The following ETV5 variants were observed in gnomAD, a reference collection of about 807,000 sequenced individuals.
ETV5 encodes the protein ETS translocation variant 5.
ETV5 carries 10 observed loss-of-function variants against 70.0 expected under a neutral mutation model. The ratio of observed to expected loss-of-function variants is 0.14; its 90% confidence interval spans 0.09 to 0.24. The LOEUF (loss-of-function observed/expected upper bound fraction) is 0.24, where lower values mean the gene tolerates loss of function less well. Ranked by LOEUF, ETV5 falls within the 10% of genes least tolerant of loss-of-function variation. The pLI is 1.00. For missense variants in ETV5, 453 were observed against 651.2 expected (o/e 0.70, Z 3.31); for synonymous variants, 216 against 242.2 (o/e 0.89, Z 1.01).
intron 8 of ETV5, among the ~76,000 whole-genome samples, chr3:186,064,911 G>A (rs973869217): frequency 6.6e-6 from 1 of 152,126 alleles, no homozygotes; most frequent in Non-Finnish European, 1.5e-5. Flanking sequence ...TACTGCTGGT[G>A]GTCACATCTA....
At chr3:186,088,635 G>A (rs1306663816) in intron 5 of ETV5, among the ~76,000 whole-genome samples, 1 of 152,170 alleles carries the variant, frequency 6.6e-6, no homozygotes, top group African/African-American at 2.4e-5. Flanking sequence ...AGGGAAAGAA[G>A]GTAGAGGAAA....
intron 5 of ETV5, among the ~76,000 whole-genome samples, chr3:186,084,901 G>C (rs1289519023): frequency 6.6e-6 from 1 of 152,048 alleles, no homozygotes; most frequent in Non-Finnish European, 1.5e-5. Flanking sequence ...ATATGCTCTA[G>C]AACAAAGGAA....
intron 5 of ETV5, among the ~76,000 whole-genome samples, chr3:186,086,806 A>T (rs1462016741): frequency 1.4e-5 from 2 of 143,664 alleles, no homozygotes; most frequent in African/African-American, 2.5e-5. Flanking sequence ...AAAGATACGA[A>T]AAAAAAAAAA....
At chr3:186,099,596 G>A (rs935095597) in intron 5 of ETV5, among the ~76,000 whole-genome samples, 1 of 152,058 alleles carries the variant, frequency 6.6e-6, no homozygotes, top group Admixed American at 6.6e-5. Context: ...ACAGTTTCTC[G>A]GCAGAGAATC....
chr3:186,091,179 G>A (rs1436338263), intron 5 of ETV5, among the ~76,000 whole-genome samples: 1 of 152,262 alleles, frequency 6.6e-6, no homozygotes, highest in Non-Finnish European at 1.5e-5. Context: ...CATGAAGAAA[G>A]TAAGGCTTGT....
chr3:186,107,151 G>T (rs1018373159), intron 1 of ETV5, among the ~76,000 whole-genome samples: 4 of 152,122 alleles, frequency 2.6e-5, no homozygotes, highest in African/African-American at 9.7e-5. Flanking sequence ...TTTGGCCCAA[G>T]GAATCAGATA....
At chr3:186,065,760 C>T (rs80307515) in intron 8 of ETV5, 53 bp downstream of exon 8, 74 of 1,609,374 alleles carry the variant, frequency 4.6e-5, no homozygotes, top group Middle Eastern at 4.1e-4. Flanking sequence ...CACTGAATAA[C>T]GAGACAGAAG....
intron 1 of ETV5, among the ~76,000 whole-genome samples, chr3:186,107,828 G>A (rs1438721153): frequency 6.6e-6 from 1 of 151,966 alleles, no homozygotes; most frequent in Admixed American, 6.5e-5. Flanking sequence ...TCTAGCGCTG[G>A]GCCCCATTCA....
At chr3:186,092,756 A>G (rs1714212354) in intron 5 of ETV5, among the ~76,000 whole-genome samples, 1 of 152,128 alleles carries the variant, frequency 6.6e-6, no homozygotes, top group Non-Finnish European at 1.5e-5. Context: ...TTTAAAATAG[A>G]TGACGGAACT....
At chr3:186,092,280 G>A (rs1000764939) in intron 5 of ETV5, among the ~76,000 whole-genome samples, 3 of 152,166 alleles carry the variant, frequency 2.0e-5, no homozygotes, top group East Asian at 1.9e-4. Flanking sequence ...GAAAAGAACT[G>A]AACCAACTTT....
chr3:186,056,819 A>C (rs1266404240), intron 11 of ETV5, among the ~76,000 whole-genome samples: 1 of 152,206 alleles, frequency 6.6e-6, no homozygotes, highest in Non-Finnish European at 1.5e-5. Context: ...ATAAGTCTTC[A>C]TGATCTTGCC....
At chr3:186,098,232 G>GC (rs1467690349) in intron 5 of ETV5, among the ~76,000 whole-genome samples, 1 of 152,230 alleles carries the variant, frequency 6.6e-6, no homozygotes, top group African/African-American at 2.4e-5. Context: ...ACTATCATGT[G>GC]CCCCTCGGTT....
In ETV5 at chr3:186,054,491, A is replaced by G. The variant is rs1713110124; in HGVS notation, c.1210-2360T>C. On this transcript the variant is annotated intron_variant, in intron 11 of 12. Transcript: ENST00000306376. The surrounding 1 kb of genome is among the most constrained non-coding windows in gnomAD (Gnocchi z 4.4). ...ATTCATTAATGCAGATTCACAGTTA[A>G]AATGGCTCCAGATTAAAGCCGAGTC... is the stretch of plus-strand genomic sequence containing the variant. Among the ~76,000 whole-genome samples the G allele has an allele frequency of 6.6e-6, 1 of 152,212 alleles. No individual in the cohort carries two copies. The highest frequency in any genetic ancestry group is 1.5e-5 in the Non-Finnish European group (1 of 68,030).
intron 12 of ETV5, among the ~76,000 whole-genome samples, chr3:186,050,517 G>T (rs1200606325): frequency 6.6e-6 from 1 of 152,202 alleles, no homozygotes; most frequent in Non-Finnish European, 1.5e-5. Flanking sequence ...ACAATGGGGA[G>T]TGGCTGCTGA....
At chr3:186,056,978 C>T in intron 11 of ETV5, 97 bp downstream of exon 11, 1 of 1,395,726 alleles carries the variant, frequency 7.2e-7, no homozygotes, top group East Asian at 2.4e-5. Flanking sequence ...GAAGCAAGAG[C>T]AGACTTGACA....
chr3:186,102,123 C>T (rs1028031269), intron 5 of ETV5, among the ~76,000 whole-genome samples: 2 of 151,654 alleles, frequency 1.3e-5, no homozygotes, highest in East Asian at 3.9e-4. Flanking sequence ...TTCTAAGAAA[C>T]TTACAAAATA....
intron 5 of ETV5, among the ~76,000 whole-genome samples, chr3:186,096,450 G>A (rs796423640): frequency 1.3e-5 from 2 of 152,248 alleles, no homozygotes; most frequent in East Asian, 3.9e-4. Context: ...GTTTATGTAA[G>A]CGAAGTCCTT....
chr3:186,074,144 A>C (rs1433703923), intron 7 of ETV5, among the ~76,000 whole-genome samples: 1 of 152,136 alleles, frequency 6.6e-6, no homozygotes, highest in East Asian at 1.9e-4. Context: ...TAATATCAAA[A>C]ATGAAAAAGA....
In ETV5 at chr3:186,106,196, C is replaced by A. The variant is rs575478285; in HGVS notation, c.-74-254G>T. On this transcript the variant is annotated intron_variant, in intron 1 of 12. Coordinates refer to ENST00000306376, the MANE Select transcript of ETV5 (RefSeq NM_004454.3). ...TTTCTTATTTAAATCATTAAAATTA[C>A]AGATTTGCTACTGTCTGTTCTCTAC... 2.6e-5 allele frequency among the ~76,000 whole-genome samples: 4 copies of A among 152,152 alleles called. No individual in the cohort carries two copies. The South Asian group carries it at 8.3e-4, about 32-fold the overall frequency.
Sources: allele counts gnomAD v4.1 joint callset (sites outside exome capture counted in the v4.1 genomes callset), GRCh38; gene constraint gnomAD v4.1.1; non-coding constraint Gnocchi (gnomAD v3.1); transcripts MANE v1.5; gene names NCBI Gene and HGNC (gene_info 2026-07-23, HGNC 2026-07-21).